The following NCBP3 variants were observed in gnomAD, a reference collection of about 807,000 sequenced individuals.
NCBP3 encodes nuclear cap binding subunit 3, also known as nuclear cap-binding protein subunit 3.
A neutral mutation model predicts 75.7 loss-of-function variants in NCBP3; 20 were observed. The ratio of observed to expected loss-of-function variants is 0.26; its 90% confidence interval spans 0.19 to 0.38. The LOEUF (loss-of-function observed/expected upper bound fraction) is 0.38, where lower values mean the gene tolerates loss of function less well. Ranked by LOEUF, NCBP3 falls within the 10% of genes least tolerant of loss-of-function variation. The pLI is 1.00. For synonymous variants in NCBP3, 293 were observed against 290.5 expected (o/e 1.01, Z -0.09); for missense variants, 678 against 796.9 (o/e 0.85, Z 1.80).
At chr17:3,841,436 T>C (rs1299677817) in intron 2 of NCBP3, among the ~76,000 whole-genome samples, 1 of 152,180 alleles carries the variant, frequency 6.6e-6, no homozygotes, top group Non-Finnish European at 1.5e-5. Context: ...TTTACCTTCC[T>C]TTAGAAACAA....
intron 11 of NCBP3, among the ~76,000 whole-genome samples, 197 bp from the exon 12 acceptor site, chr17:3,814,680 G>A (rs1454921053): frequency 1.3e-5 from 2 of 151,320 alleles, no homozygotes; most frequent in Non-Finnish European, 2.9e-5. Context: ...GCTGTCAGAG[G>A]AAAAATCCTC....
At chr17:3,813,312 G>A (rs2053459392) in intron 12 of NCBP3, 33 bp from the exon 13 acceptor site, 16 of 1,610,786 alleles carry the variant, frequency 9.9e-6, no homozygotes, top group African/African-American at 1.3e-5. Flanking sequence ...CACTTTCGCA[G>A]TCAGCGCTAA....
In NCBP3 at chr17:3,812,816, T is replaced by C. The variant is rs2053444224; in HGVS notation, c.*228A>G. The stretch of plus-strand genomic sequence containing the variant: ...TCAAAGGGTAAAGCCTGTGGGGTGG[T>C]GGGAAAGGAATCGAGGGCCCAGAAC... On this transcript the variant is annotated 3_prime_UTR_variant, in exon 13 of 13. Transcript: ENST00000389005. 5.8e-6 allele frequency: 8 copies of C among 1,374,350 alleles called. No homozygotes were observed. The highest frequency in any genetic ancestry group is 7.5e-6 in the Non-Finnish European group (8 of 1,062,914). 85.1% of individuals were successfully genotyped at this position (1,374,350 alleles called of 1,614,324 possible).
chr17:3,813,079 G>C lies in NCBP3; in HGVS notation c.1828C>G (p.Arg610Gly), dbSNP rs1179683091. The C allele has an allele frequency of 2.5e-6, 4 of 1,614,140 alleles. No homozygotes were observed. The highest frequency in any genetic ancestry group is 3.4e-6 in the Non-Finnish European group (4 of 1,180,016). ...GCCTCTGAACCAGAGCTGCTTTCCC[G>C]ACTAACTTCAATCTGGAGAGATGGT... ...NLPSLQIEVSRESSSGSEAES is the reference protein window; with the variant it reads ...NLPSLQIEVSGESSSGSEAES The change falls in exon 13 of 13, where the codon CGG becomes GGG. Residue 610 changes from arginine to glycine, a missense_variant. This residue lies in a region of NCBP3 where 365 missense variants were observed against 392.7 expected (regional missense o/e 0.93). Coordinates refer to ENST00000389005, the MANE Select transcript of NCBP3 (RefSeq NM_001114118.3).
rs1366171106 is a variant in NCBP3 at position 3,825,057 on chromosome 17, A to G, written c.688-7T>C. 7.0e-7 allele frequency: 1 copy of G among 1,422,600 alleles called. No individual in the cohort carries two copies. Among genetic ancestry groups the G allele is most frequent in the Admixed American group, 2.3e-5 (1 of 44,390 alleles). The allele number at this position is 1,422,600 out of a possible 1,614,324, so 88.1% of individuals were successfully genotyped here. On this transcript the variant is annotated splice_region_variant and splice_polypyrimidine_tract_variant and intron_variant, in intron 6 of 12. Transcript: ENST00000389005. The stretch of plus-strand genomic sequence containing the variant: ...CCTGAGACAACGTATCCAACTTAAG[A>G]AAGAAGAGTATTTTTAATATAAAAA...
chr17:3,825,083 T>TAC, intron 6 of NCBP3, 33 bp from the exon 7 acceptor site: 1 of 1,235,560 alleles, frequency 8.1e-7, no homozygotes, highest in Non-Finnish European at 1.1e-6. Context: ...AATATAAAAA[T>TAC]TAAAGTCCTT....
chr17:3,826,256 A>G, intron 4 of NCBP3, 41 bp from the exon 5 acceptor site: 3 of 1,508,348 alleles, frequency 2.0e-6, no homozygotes, highest in Non-Finnish European at 2.7e-6. Flanking sequence ...CAGCATGGAA[A>G]TGGTAAGCTT....
chr17:3,825,864 C>G, intron 5 of NCBP3, 21 bp from the exon 6 acceptor site: 1 of 1,516,150 alleles, frequency 6.6e-7, no homozygotes, highest in Non-Finnish European at 8.9e-7. Context: ...ATGTGAAGGA[C>G]AAGATGAAAC....
intron 3 of NCBP3, among the ~76,000 whole-genome samples, chr17:3,833,489 G>A (rs2053920059): frequency 6.6e-6 from 1 of 152,016 alleles, no homozygotes; most frequent in Admixed American, 6.6e-5. Context: ...AAGTTTTGAT[G>A]TGTACGACTT....
intron 7 of NCBP3, chr17:3,822,711 C>T (rs999060687): frequency 6.6e-6 from 1 of 152,176 alleles, no homozygotes; most frequent in Non-Finnish European, 1.5e-5. Context: ...AAAGACCTTC[C>T]ACAGTTCTTG....
rs183184445 is a variant in NCBP3 at position 3,829,678 on chromosome 17, C to T, written c.356-310G>A. On this transcript the variant is annotated intron_variant, in intron 3 of 12. Coordinates refer to ENST00000389005, the MANE Select transcript of NCBP3 (RefSeq NM_001114118.3). ...GCAATCAGAGCACTATCAAGCTCAA[C>T]AGGAGTATTTGTTGAAGTTAGCCAG... 6.2e-4 allele frequency among the ~76,000 whole-genome samples: 95 copies of T among 152,312 alleles called. 1 individual carries two copies. The highest frequency in any genetic ancestry group is 2.3e-3 in the African/African-American group (94 of 41,574).
intron 11 of NCBP3, 118 bp downstream of exon 11, chr17:3,815,998 T>C: frequency 2.2e-6 from 2 of 917,646 alleles, no homozygotes; most frequent in Non-Finnish European, 3.1e-6. Context: ...TTAGACATGA[T>C]GAACCAGGAC....
At position 3,846,211 on chromosome 17, in the gene NCBP3, G is replaced by C. The variant is rs978119152; in HGVS notation, c.13C>G (p.Arg5Gly). 2.8e-6 allele frequency: 4 copies of C among 1,448,142 alleles called. No homozygotes were observed. The highest frequency in any genetic ancestry group is 2.9e-5 in the East Asian group (1 of 34,402). The allele number at this position is 1,448,142 out of a possible 1,614,324, so 89.7% of individuals were successfully genotyped here. ...GCCTTCACCGACACCCGCAGGCCCC[G>C]TACGGCCGCCATCGCTGCCTGCCGG... MAAVRGLRVSVKAEA... is the reference protein window; with the variant it reads MAAVGGLRVSVKAEA... The change falls in exon 1 of 13, where the codon CGG becomes GGG. Residue 5 changes from arginine (R) to glycine (G), a missense_variant. Physicochemically the swap from Arg to Gly is moderately radical, Grantham distance 125. Transcript: ENST00000389005. This position sits in a 1 kb window ranked among gnomAD's most constrained non-coding sequence, Gnocchi z 4.6.
At chr17:3,843,862 T>C (rs572820334) in intron 1 of NCBP3, among the ~76,000 whole-genome samples, 1 of 152,266 alleles carries the variant, frequency 6.6e-6, no homozygotes, top group African/African-American at 2.4e-5. Flanking sequence ...TCTTTTTGAA[T>C]AGCCACTCTT....
At chr17:3,816,292 G>C in intron 10 of NCBP3, 22 bp from the exon 11 acceptor site, 2 of 1,604,030 alleles carry the variant, frequency 1.2e-6, no homozygotes, top group East Asian at 2.3e-5. Context: ...GGGTAGGATG[G>C]GGCACAGTTA....
In NCBP3 at chr17:3,806,971, G is replaced by A. The variant is rs781007622; in HGVS notation, c.*6073C>T. On this transcript the variant is annotated 3_prime_UTR_variant, in exon 13 of 13. Transcript: ENST00000389005. ...CTGTACTTATGTATCGAACTTATTT[G>A]TGTAGCAACTAATTCATCTGTGAAG... The A allele has an allele frequency of 6.6e-6, 1 of 152,184 alleles. No homozygotes were observed. Among genetic ancestry groups the A allele is most frequent in the Non-Finnish European group, 1.5e-5 (1 of 68,042 alleles). 9.4% of individuals were successfully genotyped at this position (152,184 alleles called of 1,614,324 possible). A position where few individuals can be genotyped will look rare whatever the true frequency, so the allele number is the denominator to read the frequency against.
At chr17:3,815,397 T>G (rs1429239871) in intron 11 of NCBP3, among the ~76,000 whole-genome samples, 6 of 152,214 alleles carry the variant, frequency 3.9e-5, no homozygotes, top group Admixed American at 6.5e-5. Context: ...CAAAGGCTTC[T>G]CACATTCCTA....
chr17:3,836,921 C>T (rs1470914442), intron 3 of NCBP3, among the ~76,000 whole-genome samples: 2 of 151,946 alleles, frequency 1.3e-5, no homozygotes, highest in African/African-American at 4.8e-5. Context: ...GAGGCCGAGG[C>T]GGGTGGATCA....
chr17:3,825,795 A>G lies in NCBP3; in HGVS notation c.659T>C (p.Val220Ala), dbSNP rs2053772975. The G allele has an allele frequency of 6.4e-7, 1 of 1,551,282 alleles. No individual in the cohort carries two copies. Residue 220 changes from valine (V) to alanine (A), a missense_variant, in exon 6 of 13, where the codon GTT becomes GCT. This residue lies in a region of NCBP3 where 98 missense variants were observed against 101.8 expected (regional missense o/e 0.96). Coordinates refer to ENST00000389005, the MANE Select transcript of NCBP3 (RefSeq NM_001114118.3). Reference protein sequence around the residue: ...SDDDEAEEGEVEDENSSDVEL... With the variant: ...SDDDEAEEGEAEDENSSDVEL... ...TACATCACTTGAGTTCTCATCTTCA[A>G]CCTCTCCTTCTTCAGCTTCATCATC...
Sources: allele counts gnomAD v4.1 joint callset (sites outside exome capture counted in the v4.1 genomes callset), GRCh38; gene constraint gnomAD v4.1.1; regional missense constraint gnomAD v4.1.1; non-coding constraint Gnocchi (gnomAD v3.1); transcripts MANE v1.5; gene names NCBI Gene and HGNC (gene_info 2026-07-23, HGNC 2026-07-21).